CCDC148: variants seen among roughly 807,000 people sequenced by gnomAD.
The protein encoded by CCDC148 is coiled-coil domain-containing protein 148.
CCDC148 carries 89 observed loss-of-function variants against 85.7 expected under a neutral mutation model. The ratio of observed to expected loss-of-function variants is 1.04; its 90% CI spans 0.87 to 1.24. The LOEUF (loss-of-function observed/expected upper bound fraction) is 1.24. CCDC148 is among the 50% of genes most tolerant of loss of function. CCDC148 has a pLI of 0.00. For missense variants in CCDC148, 692 were observed against 671.7 expected, an observed-to-expected ratio of 1.03 and a Z score of -0.33; for synonymous variants, 230 against 213.9, an observed-to-expected ratio of 1.08 and a Z score of -0.66.
intron 10 of CCDC148, among the ~76,000 whole-genome samples, chr2:158,237,330 A>G (rs897718770): frequency 5.9e-5 from 9 of 152,302 alleles, no homozygotes; most frequent in Admixed American, 3.3e-4. Flanking sequence ...GAGCAGTGAC[A>G]TGATCTAAAG....
At chr2:158,449,559 C>T (rs1466992817) in intron 1 of CCDC148, among the ~76,000 whole-genome samples, 2 of 152,130 alleles carry the variant, frequency 1.3e-5, no homozygotes, top group South Asian at 2.1e-4. Flanking sequence ...GCAATTCTCC[C>T]TGCCTCAGCC....
intron 1 of CCDC148, among the ~76,000 whole-genome samples, chr2:158,433,261 A>AATACATATATATAT (rs1687457302): frequency 8.2e-6 from 1 of 122,552 alleles, no homozygotes; most frequent in Non-Finnish European, 1.8e-5. Flanking sequence ...CCTTGACTCA[A>AATACATATATATAT]ATATATATAT....
chr2:158,303,871 AT>A (rs1465256089), intron 9 of CCDC148, among the ~76,000 whole-genome samples: 4 of 152,138 alleles, frequency 2.6e-5, no homozygotes, highest in African/African-American at 9.7e-5. Flanking sequence ...CTCAGCTTAG[AT>A]TTGTCATTGA....
At chr2:158,312,217 T>C (rs1692053900) in intron 8 of CCDC148, among the ~76,000 whole-genome samples, 1 of 152,210 alleles carries the variant, frequency 6.6e-6, no homozygotes, top group African/African-American at 2.4e-5. Context: ...GCTACTAAAA[T>C]CTGTTCTGTA....
At chr2:158,251,082 G>C (rs565968998) in intron 9 of CCDC148, among the ~76,000 whole-genome samples, 170 bp from the exon 10 acceptor site, 1 of 151,538 alleles carries the variant, frequency 6.6e-6, no homozygotes, top group Admixed American at 6.6e-5. Context: ...GTGTGTGTTA[G>C]GGTTAAAAGG....
intron 9 of CCDC148, among the ~76,000 whole-genome samples, chr2:158,289,938 A>G (rs1035520333): frequency 1.2e-4 from 19 of 152,194 alleles, no homozygotes; most frequent in Admixed American, 7.9e-4. Flanking sequence ...AGGAGTTCAA[A>G]CACAGGCAAA....
At chr2:158,363,114 C>A (rs1449378574) in intron 1 of CCDC148, among the ~76,000 whole-genome samples, 2 of 152,060 alleles carry the variant, frequency 1.3e-5, no homozygotes, top group African/African-American at 4.8e-5. Flanking sequence ...AAGTCTAAAC[C>A]AGGAAGAAGT....
At chr2:158,386,907 C>T (rs1219289637) in intron 1 of CCDC148, among the ~76,000 whole-genome samples, 1 of 152,116 alleles carries the variant, frequency 6.6e-6, no homozygotes, top group Non-Finnish European at 1.5e-5. Context: ...CTGCCCTATT[C>T]TTGTTCTAGT....
Position 158,226,433 on chromosome 2 carries a change from G to A in CCDC148, c.1252-5720C>T, listed in dbSNP as rs1574443060. Among the ~76,000 whole-genome samples the A allele has an allele frequency of 2.6e-5, 4 of 152,258 alleles. No individual in the cohort carries two copies. In the South Asian group the frequency reaches 8.3e-4, roughly 32 times the overall value. On this transcript the variant is annotated intron_variant, in intron 10 of 13. Coordinates refer to ENST00000283233, the MANE Select transcript of CCDC148 (RefSeq NM_138803.4). ...CTATTCCAATCAATAGAAAAAGAGG[G>A]AATCCTCCCTAACTCATTTTATGAG...
intron 10 of CCDC148, among the ~76,000 whole-genome samples, chr2:158,236,442 T>C (rs1574464061): frequency 6.6e-6 from 1 of 152,208 alleles, no homozygotes; most frequent in East Asian, 1.9e-4. Context: ...CATATGTTGA[T>C]ATGGCTGAAA....
At chr2:158,245,562 G>T (rs1169834053) in intron 10 of CCDC148, among the ~76,000 whole-genome samples, 2 of 152,160 alleles carry the variant, frequency 1.3e-5, no homozygotes, top group Admixed American at 6.5e-5. Flanking sequence ...TGTGAGTCTT[G>T]CTAAAATCTC....
At chr2:158,299,193 T>C (rs887448380) in intron 9 of CCDC148, among the ~76,000 whole-genome samples, 2 of 150,576 alleles carry the variant, frequency 1.3e-5, no homozygotes, top group East Asian at 3.9e-4. Flanking sequence ...TTGACTAAAC[T>C]AGAACTCCAA....
chr2:158,369,105 T>G (rs1245989030), intron 1 of CCDC148, among the ~76,000 whole-genome samples: 1 of 152,122 alleles, frequency 6.6e-6, no homozygotes, highest in African/African-American at 2.4e-5. Context: ...GGCGAAATGA[T>G]GTTAAAAACA....
chr2:158,243,154 C>T (rs970792058), intron 10 of CCDC148, among the ~76,000 whole-genome samples: 4 of 151,982 alleles, frequency 2.6e-5, no homozygotes, highest in African/African-American at 9.7e-5. Context: ...TCTTTCTGAG[C>T]CTAGAGAGGT....
chr2:158,364,229 T>C (rs2105273153), intron 1 of CCDC148, among the ~76,000 whole-genome samples: 1 of 152,308 alleles, frequency 6.6e-6, no homozygotes, highest in Non-Finnish European at 1.5e-5. Context: ...AAAATGGCCA[T>C]ACTGCCCAAA....
chr2:158,432,268 C>G (rs1275517613), intron 1 of CCDC148, among the ~76,000 whole-genome samples: 1 of 150,798 alleles, frequency 6.6e-6, no homozygotes. Context: ...GGCTTACATC[C>G]AACCATAGTT....
chr2:158,265,492 C>T (rs757439314), intron 9 of CCDC148, among the ~76,000 whole-genome samples: 12 of 151,590 alleles, frequency 7.9e-5, no homozygotes, highest in Non-Finnish European at 1.6e-4. Context: ...TCGAATACCA[C>T]TGTCATTAGT....
chr2:158,450,852 G>T, intron 1 of CCDC148, among the ~76,000 whole-genome samples: 1 of 152,066 alleles, frequency 6.6e-6, no homozygotes, highest in Middle Eastern at 3.4e-3. Flanking sequence ...AAACAGATTG[G>T]GGAAGTTTTA....
chr2:158,435,517 A>G (rs889763743), intron 1 of CCDC148, among the ~76,000 whole-genome samples: 13 of 152,236 alleles, frequency 8.5e-5, no homozygotes, highest in African/African-American at 2.9e-4. Context: ...TGGCCACTGC[A>G]AAAACATGAC....
Sources: allele counts gnomAD v4.1 joint callset (sites outside exome capture counted in the v4.1 genomes callset), GRCh38; gene constraint gnomAD v4.1.1; transcripts MANE v1.5; gene names NCBI Gene and HGNC (gene_info 2026-07-23, HGNC 2026-07-21).